Variants in TNR observed in about 807,000 individuals in gnomAD.
TNR encodes the protein tenascin R, also known as tenascin-R.
In TNR, 45 loss-of-function variants were observed where a neutral mutation model predicts 150.4. The ratio of observed to expected loss-of-function variants is 0.30; its 90% confidence interval spans 0.24 to 0.38. The LOEUF is 0.38. Ranked by LOEUF, TNR falls within the 10% of genes least tolerant of loss-of-function variation. The pLI, the probability that TNR is intolerant of heterozygous loss-of-function variation, is 1.00. For missense variants in TNR, 1,544 were observed against 1,759.1 expected (o/e 0.88, Z 2.19); for synonymous variants, 687 against 678.4 (o/e 1.01, Z -0.20).
chr1:175,352,612 C>G (rs1014089607), intron 18 of TNR, among the ~76,000 whole-genome samples: 2 of 152,258 alleles, frequency 1.3e-5, no homozygotes, highest in African/African-American at 4.8e-5. Flanking sequence ...GCATAATTGA[C>G]TCCAGCCCCA....
intron 1 of TNR, among the ~76,000 whole-genome samples, chr1:175,673,583 G>C (rs1232174096): frequency 6.6e-6 from 1 of 152,216 alleles, no homozygotes; most frequent in African/African-American, 2.4e-5. Flanking sequence ...GCTTCTAAGT[G>C]CCTCCTCTGA....
chr1:175,413,552 C>G (rs886737173), intron 2 of TNR, among the ~76,000 whole-genome samples: 2 of 152,168 alleles, frequency 1.3e-5, no homozygotes, highest in Non-Finnish European at 2.9e-5. Flanking sequence ...TTAGAAGGCT[C>G]GAGGGGACTA....
intron 1 of TNR, among the ~76,000 whole-genome samples, chr1:175,725,360 C>T (rs1463102620): frequency 6.6e-6 from 1 of 152,198 alleles, no homozygotes; most frequent in Admixed American, 6.5e-5. Flanking sequence ...ACTTTAGTTT[C>T]CTCAGTCTTA....
chr1:175,493,314 T>G (rs1658339587), intron 2 of TNR, among the ~76,000 whole-genome samples: 1 of 151,886 alleles, frequency 6.6e-6, no homozygotes, highest in Non-Finnish European at 1.5e-5. Flanking sequence ...GGTGAAAAAG[T>G]AAACCAAGAA....
intron 2 of TNR, among the ~76,000 whole-genome samples, chr1:175,413,785 G>A (rs1048660730): frequency 1.3e-5 from 2 of 152,162 alleles, no homozygotes; most frequent in African/African-American, 4.8e-5. Context: ...GCTTTGGGAG[G>A]TGATTAAGTC....
At chr1:175,637,826 T>C (rs1664534409) in intron 1 of TNR, among the ~76,000 whole-genome samples, 1 of 152,184 alleles carries the variant, frequency 6.6e-6, no homozygotes. Flanking sequence ...TTGGATTAGA[T>C]CTCTTTGCTC....
intron 2 of TNR, among the ~76,000 whole-genome samples, chr1:175,525,250 C>A (rs569445029): frequency 1.3e-5 from 2 of 152,224 alleles, no homozygotes; most frequent in East Asian, 3.9e-4. Flanking sequence ...CTGAGGCCTC[C>A]CCAACCATGC....
chr1:175,586,579 T>C (rs906084236), intron 1 of TNR, among the ~76,000 whole-genome samples: 2 of 152,196 alleles, frequency 1.3e-5, no homozygotes, highest in Non-Finnish European at 2.9e-5. Flanking sequence ...GTGCTGGGAC[T>C]ACAAGCGTGA....
At chr1:175,476,713 T>C (rs1657557431) in intron 2 of TNR, among the ~76,000 whole-genome samples, 1 of 152,190 alleles carries the variant, frequency 6.6e-6, no homozygotes, top group South Asian at 2.1e-4. Flanking sequence ...GCAAAAGCAT[T>C]ATCGGGTAAT....
chr1:175,590,073 C>T (rs1662738820), intron 1 of TNR, among the ~76,000 whole-genome samples: 1 of 152,120 alleles, frequency 6.6e-6, no homozygotes, highest in Admixed American at 6.5e-5. Context: ...TGATATGGTA[C>T]TGCAACTGAT....
intron 2 of TNR, among the ~76,000 whole-genome samples, chr1:175,477,920 G>T (rs1363990699): frequency 6.6e-6 from 1 of 151,726 alleles, no homozygotes; most frequent in Non-Finnish European, 1.5e-5. Flanking sequence ...CAGCTAGTGT[G>T]GATCTTTGCA....
Position 175,726,081 on chromosome 1 carries a change from C to T in TNR, c.-165+17145G>A, listed in dbSNP as rs1346012307. ...TCATAGAATGGACAAATAAATGGGG[C>T]AGAAAATTGATTACTTAAATGATAG... On this transcript the variant is annotated intron_variant, in intron 1 of 22. Transcript: ENST00000367674. Among the ~76,000 whole-genome samples the T allele has an allele frequency of 2.6e-5, 4 of 152,104 alleles. No homozygotes were observed. The East Asian group carries it at 7.7e-4, about 29-fold the overall frequency.
At chr1:175,640,639 C>A (rs188665811) in intron 1 of TNR, among the ~76,000 whole-genome samples, 3 of 152,028 alleles carry the variant, frequency 2.0e-5, no homozygotes, top group Non-Finnish European at 4.4e-5. Flanking sequence ...CTTGGGCTCA[C>A]GACAGTTCTC....
intron 1 of TNR, among the ~76,000 whole-genome samples, chr1:175,650,842 C>T (rs1273065211): frequency 1.0e-4 from 13 of 125,730 alleles, no homozygotes; most frequent in South Asian, 2.7e-4. Context: ...CCTCCCCCAC[C>T]TCATTACTAC....
At chr1:175,359,306 C>T (rs572556205) in intron 15 of TNR, among the ~76,000 whole-genome samples, 9 of 151,652 alleles carry the variant, frequency 5.9e-5, no homozygotes, top group South Asian at 2.1e-4. Flanking sequence ...CCACCACTTC[C>T]GGCTAATTTT....
intron 1 of TNR, among the ~76,000 whole-genome samples, chr1:175,714,739 G>A (rs1208650293): frequency 6.6e-6 from 1 of 152,182 alleles, no homozygotes; most frequent in Non-Finnish European, 1.5e-5. Flanking sequence ...GGCCTCAACT[G>A]TAATTACTCT....
chr1:175,682,083 G>C (rs1490194339), intron 1 of TNR, among the ~76,000 whole-genome samples: 1 of 152,148 alleles, frequency 6.6e-6, no homozygotes, highest in Non-Finnish European at 1.5e-5. Context: ...CATAAGGATG[G>C]TTTTAATCCT....
At chr1:175,564,192 A>G (rs1369216090) in intron 1 of TNR, among the ~76,000 whole-genome samples, 1 of 152,230 alleles carries the variant, frequency 6.6e-6, no homozygotes, top group Admixed American at 6.5e-5. Context: ...TTGGCAGCTT[A>G]TGGAAAATGA....
At chr1:175,697,757 C>T (rs1558078742) in intron 1 of TNR, among the ~76,000 whole-genome samples, 3 of 152,214 alleles carry the variant, frequency 2.0e-5, no homozygotes, top group South Asian at 2.1e-4. Context: ...GCCATGGGCC[C>T]GATTCAAGCC....
Sources: allele counts gnomAD v4.1 joint callset (sites outside exome capture counted in the v4.1 genomes callset), GRCh38; gene constraint gnomAD v4.1.1; transcripts MANE v1.5; gene names NCBI Gene and HGNC (gene_info 2026-07-23, HGNC 2026-07-21).